The following ZAR1 variants were observed in gnomAD, a reference collection of about 807,000 sequenced individuals.
ZAR1 encodes the protein zygote arrest 1, also known as zygote arrest protein 1.
ZAR1 carries 37 observed loss-of-function variants against 38.3 expected under a neutral mutation model. The observed-to-expected ratio is 0.97, with a 90% CI of 0.74 to 1.27. The LOEUF (loss-of-function observed/expected upper bound fraction) is 1.27. Among genes scored for constraint, ZAR1 ranks in the 50% most tolerant of loss-of-function variants. The pLI, the probability that ZAR1 is intolerant of heterozygous loss-of-function variation, is 0.00. For synonymous variants in ZAR1, 336 were observed against 292.0 expected, an observed-to-expected ratio of 1.15 and a Z score of -1.53; for missense variants, 651 against 632.4, an observed-to-expected ratio of 1.03 and a Z score of -0.32.
At chr4:48,493,093 G>T in intron 3 of ZAR1, 81 bp downstream of exon 3, 1 of 1,331,032 alleles carries the variant, frequency 7.5e-7, no homozygotes, top group South Asian at 1.2e-5. Flanking sequence ...CTTCCAAAAA[G>T]AGGCCAGGCC....
Position 48,490,859 on chromosome 4 carries a change from C to A in ZAR1, c.568C>A (p.Leu190Ile). 6.8e-7 allele frequency: 1 copy of A among 1,469,272 alleles called. No individual in the cohort carries two copies. Among genetic ancestry groups the A allele is most frequent in the Non-Finnish European group, 9.0e-7 (1 of 1,115,740 alleles). The allele number at this position is 1,469,272 out of a possible 1,614,324, so 91.0% of individuals were successfully genotyped here. ...AVYSPLALRRLTAFLEGPGPA... is the reference protein window; with the variant it reads ...AVYSPLALRRITAFLEGPGPA... ...GTACTCGCCCCTGGCCTTGCGCCGT[C>A]TCACCGCCTTCCTGGAGGGGCCCGG... The change falls in exon 1 of 4, where the codon CTC becomes ATC. Residue 190 changes from leucine (L) to isoleucine (I), a missense_variant. Leu to Ile is a conservative substitution (Grantham distance 5). This residue lies in a region of ZAR1 where 522 missense variants were observed against 459.9 expected (regional missense o/e 1.14). Transcript: ENST00000327939.
At position 48,491,284 on chromosome 4, in the gene ZAR1, G is replaced by A. The variant is rs555964300; in HGVS notation, c.963+30G>A. 9.8e-6 allele frequency: 12 copies of A among 1,227,632 alleles called. No individual in the cohort carries two copies. The African/African-American group carries it at 1.6e-4, about 16-fold the overall frequency. The allele number at this position is 1,227,632 out of a possible 1,614,324, so 76.0% of individuals were successfully genotyped here. A position where few individuals can be genotyped will look rare whatever the true frequency, so the allele number is the denominator to read the frequency against. The stretch of plus-strand genomic sequence containing the variant: ...AGCCTAGGGCGGTCAGGGCACAGGG[G>A]AGCCCGGGGGTGCGGGTGTCTTCCT... On this transcript the variant is annotated intron_variant, in intron 1 of 3. Transcript: ENST00000327939.
downstream of ZAR1, among the ~76,000 whole-genome samples, chr4:48,495,426 T>C (rs1371265023): frequency 6.6e-6 from 1 of 152,200 alleles, no homozygotes; most frequent in East Asian, 1.9e-4. Flanking sequence ...GAGGCCTCCA[T>C]AGAATCCGTA....
Position 48,490,252 on chromosome 4 carries a change from G to A in ZAR1, c.-40G>A, listed in dbSNP as rs1270765830. 2.1e-6 allele frequency: 3 copies of A among 1,459,738 alleles called. No individual in the cohort carries two copies. Among genetic ancestry groups the A allele is most frequent in the South Asian group, 1.3e-5 (1 of 75,012 alleles). The allele number at this position is 1,459,738 out of a possible 1,614,324, so 90.4% of individuals were successfully genotyped here. On this transcript the variant is annotated 5_prime_UTR_variant, in exon 1 of 4. Transcript: ENST00000327939. Reference sequence around the variant, plus strand: ...CTCCGCTCGGCCGCCCGGGCAAGTCGCCTATTTAGGGTGCGGCGGCGGGCG... The same window carrying A: ...CTCCGCTCGGCCGCCCGGGCAAGTCACCTATTTAGGGTGCGGCGGCGGGCG...
At position 48,490,530 on chromosome 4, in the gene ZAR1, G is replaced by A; in HGVS notation, c.239G>A (p.Arg80Gln). The A allele has an allele frequency of 6.8e-7, 1 of 1,473,010 alleles. No homozygotes were observed. The allele number at this position is 1,473,010 out of a possible 1,614,324, so 91.2% of individuals were successfully genotyped here. ...TAAEYFDSYQ[R>Q]ERLMALLAQV... is the part of the protein sequence containing the mutation. ...GCCGAGTACTTCGACAGCTACCAGC[G>A]GGAGCGGCTCATGGCTCTCCTGGCG... The change falls in exon 1 of 4, where the codon CGG becomes CAG. Residue 80 changes from arginine to glutamine, a missense_variant. Arg to Gln is a conservative substitution (Grantham distance 43). Around this residue, in one of 2 missense-constraint regions of ZAR1, gnomAD observed 522 missense variants for 459.9 expected, o/e 1.14. Transcript: ENST00000327939.
rs1560481905 is a variant in ZAR1, at chr4:48,490,400, GGCGGCAGCTGGCAGCAGC to G, written c.117_134del (p.Ser39_Gly44del). ...GGCCACCAAGGGCAAGGGCGCGGCG[GGCGGCAGCTGGCAGCAGC>G]GCGGCAGGGGCTGCCTTCCCGCCTC... On this transcript the variant is annotated inframe_deletion, in exon 1 of 4. Coordinates refer to ENST00000327939, the MANE Select transcript of ZAR1 (RefSeq NM_175619.3). 6.7e-7 allele frequency: 1 copy of G among 1,493,312 alleles called. No homozygotes were observed. Among genetic ancestry groups the G allele is most frequent in the Admixed American group, 2.2e-5 (1 of 46,094 alleles). 92.5% of individuals were successfully genotyped at this position (1,493,312 alleles called of 1,614,324 possible). A position where few individuals can be genotyped will look rare whatever the true frequency, so the allele number is the denominator to read the frequency against.
In ZAR1 at chr4:48,490,905, G is replaced by T; in HGVS notation, c.614G>T (p.Arg205Met). Residue 205 changes from arginine to methionine, a missense_variant, in exon 1 of 4, where the codon AGG (arginine) becomes ATG (methionine). Physicochemically the swap from Arg to Met is moderately conservative, Grantham distance 91. Coordinates refer to ENST00000327939, the MANE Select transcript of ZAR1 (RefSeq NM_175619.3). Reference sequence around the variant, plus strand: ...CCCGGGCCCGCGGCGGGCGAGCAGAGGTCCGGGGCGTCGGACGGAGAGAGG... The same window carrying T: ...CCCGGGCCCGCGGCGGGCGAGCAGATGTCCGGGGCGTCGGACGGAGAGAGG... ...EGPGPAAGEQ[R>M]SGASDGERGP... The T allele has an allele frequency of 7.3e-7, 1 of 1,369,048 alleles. No individual in the cohort carries two copies. The highest frequency in any genetic ancestry group is 9.4e-7 in the Non-Finnish European group (1 of 1,065,922). 84.8% of individuals were successfully genotyped at this position (1,369,048 alleles called of 1,614,324 possible).
downstream of ZAR1, among the ~76,000 whole-genome samples, chr4:48,495,668 C>T (rs1164623513): frequency 6.6e-6 from 1 of 152,160 alleles, no homozygotes; most frequent in Non-Finnish European, 1.5e-5. Flanking sequence ...AGGTTCTGAC[C>T]TGTGATCTGC....
Position 48,490,324 on chromosome 4 carries a change from T to C in ZAR1, c.33T>C (p.Gly11=). MAALGDEVLD[G]YVFPACPPCS... ...CCCTGGGGGACGAGGTGCTGGACGG[T>C]TACGTGTTCCCGGCGTGCCCCCCCT... Residue 11 remains glycine (G), a synonymous_variant, in exon 1 of 4, where the codon GGT becomes GGC. Transcript: ENST00000327939. 1 of 1,513,276 alleles carries C rather than the reference T, an allele frequency of 6.6e-7. No individual in the cohort carries two copies. The highest frequency in any genetic ancestry group is 8.8e-7 in the Non-Finnish European group (1 of 1,136,910). The allele number at this position is 1,513,276 out of a possible 1,614,324, so 93.7% of individuals were successfully genotyped here.
downstream of ZAR1, among the ~76,000 whole-genome samples, chr4:48,495,359 C>A (rs142174705): frequency 1.1e-3 from 166 of 152,322 alleles, 1 homozygote; most frequent in South Asian, 0.017. Context: ...CTACCTTAGG[C>A]CATAGGACTA....
intron 3 of ZAR1, 148 bp downstream of exon 3, chr4:48,493,160 T>A: frequency 1.5e-6 from 1 of 686,324 alleles, no homozygotes; most frequent in Non-Finnish European, 2.4e-6. Flanking sequence ...AATACTCAGC[T>A]GGGAAACGGG....
rs143324001 is a variant in ZAR1, at chr4:48,494,182, G to A, written c.1213G>A (p.Gly405Ser). 1.1e-5 allele frequency: 17 copies of A among 1,614,182 alleles called. No individual in the cohort carries two copies. The highest frequency in any genetic ancestry group is 2.2e-5 in the East Asian group (1 of 44,886). The change falls in exon 4 of 4, where the codon GGT becomes AGT. Residue 405 changes from glycine to serine, a missense_variant. By Grantham distance (56) the Gly-to-Ser change is moderately conservative. Transcript: ENST00000327939. Reference sequence around the variant, plus strand: ...ACGGCCCCACCGTCAAGATTTGTGCGGTAGATGCAAAGGCAAACGCCTGTC... The same window carrying A: ...ACGGCCCCACCGTCAAGATTTGTGCAGTAGATGCAAAGGCAAACGCCTGTC... ...PKRPHRQDLC[G>S]RCKGKRLSCD...
intron 3 of ZAR1, among the ~76,000 whole-genome samples, 193 bp downstream of exon 3, chr4:48,493,205 C>G (rs952340298): frequency 6.6e-6 from 1 of 152,170 alleles, no homozygotes; most frequent in African/African-American, 2.4e-5. Flanking sequence ...CCTTGCAAAT[C>G]TTGCTGTTGT....
chr4:48,491,463 C>G (rs1311922519), intron 1 of ZAR1, among the ~76,000 whole-genome samples: 1 of 152,238 alleles, frequency 6.6e-6, no homozygotes, highest in Admixed American at 6.5e-5. Context: ...TTACTCGTGG[C>G]GGCTGCTCCA....
chr4:48,495,579 G>C (rs1718564936), downstream of ZAR1, among the ~76,000 whole-genome samples: 1 of 152,208 alleles, frequency 6.6e-6, no homozygotes, highest in Non-Finnish European at 1.5e-5. Flanking sequence ...CCTGTGCTCG[G>C]TAGAGAAGAG....
intron 1 of ZAR1, among the ~76,000 whole-genome samples, chr4:48,492,169 C>G (rs764743892): frequency 3.3e-5 from 5 of 152,178 alleles, no homozygotes; most frequent in Non-Finnish European, 7.4e-5. Context: ...GAATTAAGTG[C>G]TCCCCAGAGT....
downstream of ZAR1, among the ~76,000 whole-genome samples, chr4:48,494,573 T>G (rs1189547301): frequency 2.0e-5 from 3 of 152,122 alleles, no homozygotes; most frequent in Middle Eastern, 3.2e-3. Flanking sequence ...AGACGAGGTC[T>G]ACTTATTTAG....
At chr4:48,497,329 A>G (rs1030752032), downstream of ZAR1, 4 of 152,244 alleles carry the variant, frequency 2.6e-5, no homozygotes, top group Admixed American at 2.0e-4. Flanking sequence ...CTGTTGCAGA[A>G]GGCCATCCTA....
In ZAR1 at chr4:48,490,535, C is replaced by A. The variant is rs1404992526; in HGVS notation, c.244C>A (p.Arg82=). ...GTACTTCGACAGCTACCAGCGGGAG[C>A]GGCTCATGGCTCTCCTGGCGCAGGT... The part of the protein sequence containing the change: ...AEYFDSYQRE[R]LMALLAQVGP... Residue 82 remains arginine (R), a synonymous_variant, in exon 1 of 4, where the codon CGG becomes AGG. Coordinates refer to ENST00000327939, the MANE Select transcript of ZAR1 (RefSeq NM_175619.3). 2.7e-6 allele frequency: 4 copies of A among 1,457,884 alleles called. No individual in the cohort carries two copies. The highest frequency in any genetic ancestry group is 2.7e-5 in the South Asian group (2 of 73,964). The allele number at this position is 1,457,884 out of a possible 1,614,324, so 90.3% of individuals were successfully genotyped here. A position where few individuals can be genotyped will look rare whatever the true frequency, so the allele number is the denominator to read the frequency against.
Sources: gnomAD v4.1 joint callset for allele counts (sites outside exome capture counted in the v4.1 genomes callset) on GRCh38, gnomAD v4.1.1 for gene constraint, gnomAD v4.1.1 regional missense constraint, MANE v1.5 for transcripts, NCBI Gene and HGNC (gene_info 2026-07-23, HGNC 2026-07-21) for gene names.